PTPRT: variants seen among roughly 807,000 people sequenced by gnomAD.
PTPRT encodes protein tyrosine phosphatase receptor type T, also known as receptor-type tyrosine-protein phosphatase T.
In PTPRT, 56 loss-of-function variants were observed where a neutral mutation model predicts 176.8. That is an observed-to-expected ratio of 0.32 (90% CI 0.26 to 0.40). The LOEUF (loss-of-function observed/expected upper bound fraction) is 0.40. Ranked by LOEUF, PTPRT falls within the 10% of genes least tolerant of loss-of-function variation. The probability of loss-of-function intolerance (pLI) is 1.00; values close to 1 mark genes in which losing one functional copy is unlikely to be tolerated. For missense variants in PTPRT, 1,540 were observed against 1,908.2 expected (o/e 0.81, Z 3.60); for synonymous variants, 783 against 739.0 (o/e 1.06, Z -0.96).
At chr20:42,495,917 A>G (rs140405836) in intron 7 of PTPRT, among the ~76,000 whole-genome samples, 1 of 152,262 alleles carries the variant, frequency 6.6e-6, no homozygotes, top group East Asian at 1.9e-4. Context: ...TTGAAACTCC[A>G]TGTATAACTT....
At chr20:42,700,044 C>A (rs927461508) in intron 6 of PTPRT, among the ~76,000 whole-genome samples, 3 of 152,170 alleles carry the variant, frequency 2.0e-5, no homozygotes, top group Non-Finnish European at 2.9e-5. Flanking sequence ...CCCCTGATTT[C>A]TTCTCTACCA....
At position 42,086,557 on chromosome 20, in the gene PTPRT, C is replaced by T. The variant is rs78834127; in HGVS notation, c.3847-704G>A. Reference sequence around the variant, plus strand: ...GTACCATCTATTTTTCTTTTCACCACGCAAATCATCACAAGCTCTTCCTCA... The same window carrying T: ...GTACCATCTATTTTTCTTTTCACCATGCAAATCATCACAAGCTCTTCCTCA... On this transcript the variant is annotated intron_variant, in intron 27 of 30. Coordinates refer to ENST00000373187, the MANE Select transcript of PTPRT (RefSeq NM_007050.6). Among the ~76,000 whole-genome samples the T allele has an allele frequency of 8.9e-3, 1,345 of 150,926 alleles. 17 individuals carry two copies. Among genetic ancestry groups the T allele is most frequent in the African/African-American group, 0.031 (1,288 of 40,976 alleles).
intron 9 of PTPRT, among the ~76,000 whole-genome samples, chr20:42,402,483 T>TAAAAAAAAA (rs3061921): frequency 2.1e-5 from 2 of 95,154 alleles, no homozygotes; most frequent in Non-Finnish European, 4.1e-5. Flanking sequence ...ATAGTGCAGT[T>TAAAAAAAAA]AAAAAAAAAA....
At chr20:42,931,204 T>C (rs1979826498) in intron 1 of PTPRT, among the ~76,000 whole-genome samples, 1 of 152,106 alleles carries the variant, frequency 6.6e-6, no homozygotes, top group Non-Finnish European at 1.5e-5. Flanking sequence ...TATTTAAAGG[T>C]AGGATAAGCT....
chr20:42,248,465 C>T (rs1195616731), intron 14 of PTPRT, among the ~76,000 whole-genome samples: 1 of 152,134 alleles, frequency 6.6e-6, no homozygotes, highest in African/African-American at 2.4e-5. Context: ...ATCACTGGCC[C>T]ATAAGAAAAT....
At chr20:43,159,521 C>T (rs2014626216) in intron 1 of PTPRT, among the ~76,000 whole-genome samples, 1 of 152,192 alleles carries the variant, frequency 6.6e-6, no homozygotes, top group African/African-American at 2.4e-5. Context: ...GTCAAAGCAC[C>T]TGGCGTGATG....
intron 1 of PTPRT, among the ~76,000 whole-genome samples, chr20:43,050,990 C>T (rs1003216957): frequency 6.6e-6 from 1 of 152,188 alleles, no homozygotes; most frequent in Non-Finnish European, 1.5e-5. Flanking sequence ...TGGCTCTATT[C>T]TCTGGAATGA....
chr20:42,229,374 T>C (rs1040467487), intron 15 of PTPRT, among the ~76,000 whole-genome samples: 1 of 152,356 alleles, frequency 6.6e-6, no homozygotes, highest in Admixed American at 6.5e-5. Context: ...ACATGTTTGC[T>C]GTTGATAATT....
intron 7 of PTPRT, among the ~76,000 whole-genome samples, chr20:42,591,594 A>G (rs558711639): frequency 5.3e-5 from 8 of 152,278 alleles, no homozygotes; most frequent in East Asian, 1.9e-4. Context: ...CTACTGCCCT[A>G]CCACCTCATT....
intron 9 of PTPRT, among the ~76,000 whole-genome samples, chr20:42,431,885 G>A (rs1478756510): frequency 6.6e-6 from 1 of 152,120 alleles, no homozygotes; most frequent in East Asian, 1.9e-4. Context: ...TATAGCTCTG[G>A]TCTCTTTATC....
At chr20:42,037,004 C>T in the PTPRT span, among the ~76,000 whole-genome samples, 3 of 152,200 alleles carry the variant, frequency 2.0e-5, no homozygotes, top group Non-Finnish European at 2.9e-5. Context: ...CATGCCAGAG[C>T]TGAAGCAACC....
intron 6 of PTPRT, among the ~76,000 whole-genome samples, chr20:42,748,619 T>C (rs1018222508): frequency 5.9e-5 from 9 of 152,096 alleles, no homozygotes; most frequent in Non-Finnish European, 1.2e-4. Context: ...ACCTCAGGAC[T>C]TATTATTGCA....
rs911474865 is a variant in PTPRT at position 42,085,807 on chromosome 20, G to A, written c.3893C>T (p.Pro1298Leu). 6.2e-7 allele frequency: 1 copy of A among 1,613,614 alleles called. No homozygotes were observed. Among genetic ancestry groups the A allele is most frequent in the Non-Finnish European group, 8.5e-7 (1 of 1,179,582 alleles). Residue 1298 changes from proline (P) to leucine (L), a missense_variant, in exon 28 of 31, where the codon CCC (proline) becomes CTC (leucine). Coordinates refer to ENST00000373187, the MANE Select transcript of PTPRT (RefSeq NM_007050.6). ...TGCGGAGACGAACTCCACCTGGATG[G>A]GCCCATAGCACCCGGAGGTCTTCTC... is the stretch of plus-strand genomic sequence containing the variant. Reference protein sequence around the residue: ...WPEKTSGCYGPIQVEFVSADI... With the variant: ...WPEKTSGCYGLIQVEFVSADI...
chr20:43,025,472 G>C (rs1018238801), intron 1 of PTPRT, among the ~76,000 whole-genome samples: 1 of 152,196 alleles, frequency 6.6e-6, no homozygotes, highest in Admixed American at 6.5e-5. Context: ...GAAGGACCCT[G>C]AGGGTTGGAG....
chr20:42,665,653 T>C (rs1355549130), intron 7 of PTPRT, among the ~76,000 whole-genome samples: 1 of 152,148 alleles, frequency 6.6e-6, no homozygotes. Context: ...TGTATGTTTA[T>C]TGCGGCACTA....
chr20:42,762,747 G>T (rs911108617), intron 5 of PTPRT, among the ~76,000 whole-genome samples: 1 of 152,178 alleles, frequency 6.6e-6, no homozygotes, highest in South Asian at 2.1e-4. Flanking sequence ...CAATTCATCC[G>T]TACAGGAGGG....
intron 1 of PTPRT, among the ~76,000 whole-genome samples, chr20:43,073,386 G>A (rs1367701981): frequency 6.6e-6 from 1 of 151,810 alleles, no homozygotes; most frequent in Non-Finnish European, 1.5e-5. Context: ...CTTCTGGGCT[G>A]TTACTCTAAT....
intron 6 of PTPRT, among the ~76,000 whole-genome samples, chr20:42,756,205 T>A (rs918387796): frequency 6.6e-6 from 1 of 152,220 alleles, no homozygotes; most frequent in Non-Finnish European, 1.5e-5. Context: ...ATGTCTTCTG[T>A]GTTATATATT....
chr20:42,536,705 A>G (rs182379873), intron 7 of PTPRT, among the ~76,000 whole-genome samples: 68 of 152,324 alleles, frequency 4.5e-4, no homozygotes, highest in Non-Finnish European at 8.5e-4. Context: ...TTCTGTATTA[A>G]TTAGGAAGAT....
Sources: allele counts gnomAD v4.1 joint callset (sites outside exome capture counted in the v4.1 genomes callset), GRCh38; gene constraint gnomAD v4.1.1; transcripts MANE v1.5; gene names NCBI Gene and HGNC (gene_info 2026-07-23, HGNC 2026-07-21).